Variants in DIAPH1 observed in about 807,000 individuals in gnomAD.
DIAPH1 encodes protein diaphanous homolog 1.
A neutral mutation model predicts 140.7 loss-of-function variants in DIAPH1; 46 were observed. The observed-to-expected ratio is 0.33, with a 90% CI of 0.26 to 0.42. DIAPH1 has a LOEUF of 0.42. Ranked by LOEUF, DIAPH1 falls within the 10% of genes least tolerant of loss-of-function variation. The pLI, the probability that DIAPH1 is intolerant of heterozygous loss-of-function variation, is 1.00. For missense variants in DIAPH1, 1,310 were observed against 1,558.7 expected (o/e 0.84, Z 2.69); for synonymous variants, 565 against 551.6 (o/e 1.02, Z -0.34).
intron 1 of DIAPH1, among the ~76,000 whole-genome samples, chr5:141,596,705 T>C (rs62379258): frequency 0.042 from 6,392 of 152,298 alleles, 160 homozygotes; most frequent in Middle Eastern, 0.14. Context: ...AGATTTCTAT[T>C]GGATGGTGCT....
chr5:141,548,610 A>G (rs2099891185), intron 18 of DIAPH1, among the ~76,000 whole-genome samples: 1 of 152,104 alleles, frequency 6.6e-6, no homozygotes, highest in Non-Finnish European at 1.5e-5. Context: ...CAGCCTGGGC[A>G]ATAAGGGCAA....
intron 1 of DIAPH1, among the ~76,000 whole-genome samples, chr5:141,589,485 AG>A (rs1413772754): frequency 6.6e-6 from 1 of 152,276 alleles, no homozygotes; most frequent in Non-Finnish European, 1.5e-5. Flanking sequence ...AATTTCACAA[AG>A]AAAGTGAATG....
At position 141,526,479 on chromosome 5, in the gene DIAPH1, A is replaced by C; in HGVS notation, c.3274-18T>G. ...ACAAAGCTGTGCAGCCAAGGAGTAA[A>C]GGACCAAGACCAAGACCAAGAAGCA... On this transcript the variant is annotated intron_variant, in intron 24 of 27. Coordinates refer to ENST00000389054, the MANE Select transcript of DIAPH1 (RefSeq NM_005219.5). 1 of 1,614,108 alleles carries C rather than the reference A, an allele frequency of 6.2e-7. No individual in the cohort carries two copies. Among genetic ancestry groups the C allele is most frequent in the Non-Finnish European group, 8.5e-7 (1 of 1,180,004 alleles).
At chr5:141,567,431 T>C (rs1251526004) in intron 18 of DIAPH1, among the ~76,000 whole-genome samples, 2 of 152,206 alleles carry the variant, frequency 1.3e-5, no homozygotes, top group African/African-American at 4.8e-5. Context: ...CCCAATTTCT[T>C]TGTGCTAGTA....
intron 1 of DIAPH1, among the ~76,000 whole-genome samples, chr5:141,604,763 G>A (rs375410972): frequency 6.6e-6 from 1 of 151,984 alleles, no homozygotes; most frequent in Non-Finnish European, 1.5e-5. Flanking sequence ...ACTGACAACC[G>A]CTTAACTAAT....
At chr5:141,532,491 A>G (rs933750816) in intron 19 of DIAPH1, among the ~76,000 whole-genome samples, 1 of 151,876 alleles carries the variant, frequency 6.6e-6, no homozygotes. Context: ...TGGTCTTTCA[A>G]CTCAGTTTAA....
intron 11 of DIAPH1, 131 bp from the exon 12 acceptor site, chr5:141,577,722 G>A: frequency 2.8e-6 from 2 of 717,674 alleles, no homozygotes; most frequent in Non-Finnish European, 5.1e-6. Context: ...TGTTCTTCCT[G>A]TAAACATCAC....
chr5:141,572,236 T>C (rs2099895299), intron 16 of DIAPH1, among the ~76,000 whole-genome samples, 196 bp from the exon 17 acceptor site: 1 of 152,182 alleles, frequency 6.6e-6, no homozygotes, highest in Non-Finnish European at 1.5e-5. Context: ...TAATTGGTGA[T>C]TATTCAAGAA....
In DIAPH1 at chr5:141,607,790, C is replaced by T. The variant is rs200670121; in HGVS notation, c.117+11008G>A. ...TGCTCCCCATCTCATGAATTCTTTC[C>T]CTCTCTACTCTGCCAAATCTTGGAT... On this transcript the variant is annotated intron_variant, in intron 1 of 27. Coordinates refer to ENST00000389054, the MANE Select transcript of DIAPH1 (RefSeq NM_005219.5). Among the ~76,000 whole-genome samples, 30 of 152,274 alleles carry T rather than the reference C, an allele frequency of 2.0e-4. No homozygotes were observed. In the East Asian group the frequency reaches 3.1e-3, roughly 16 times the overall value.
chr5:141,582,674 T>G (rs1008001129), intron 6 of DIAPH1, among the ~76,000 whole-genome samples: 1 of 152,234 alleles, frequency 6.6e-6, no homozygotes, highest in African/African-American at 2.4e-5. Flanking sequence ...TCCCATCTAT[T>G]GCTGCTTGCC....
At chr5:141,597,735 T>C (rs546587520) in intron 1 of DIAPH1, among the ~76,000 whole-genome samples, 2 of 152,156 alleles carry the variant, frequency 1.3e-5, no homozygotes, top group Non-Finnish European at 2.9e-5. Flanking sequence ...GCTTTTAAAA[T>C]TCACAACACC....
chr5:141,582,229 C>G, intron 7 of DIAPH1, 83 bp downstream of exon 7: 1 of 992,798 alleles, frequency 1.0e-6, no homozygotes, highest in Non-Finnish European at 1.6e-6. Flanking sequence ...CCTCATATTC[C>G]TAGTTCCTCT....
intron 1 of DIAPH1, among the ~76,000 whole-genome samples, chr5:141,595,808 G>A (rs958925931): frequency 2.0e-5 from 3 of 152,140 alleles, no homozygotes; most frequent in Admixed American, 1.3e-4. Flanking sequence ...ACGTGTGTGG[G>A]CAGCGATATA....
At chr5:141,618,755 C>A in intron 1 of DIAPH1, 43 bp downstream of exon 1, 1 of 1,402,456 alleles carries the variant, frequency 7.1e-7, no homozygotes, top group Non-Finnish European at 9.8e-7. Flanking sequence ...GTCCAGAGGG[C>A]GGTTACGGGG....
At chr5:141,571,834 T>C in intron 17 of DIAPH1, 92 bp downstream of exon 17, 1 of 916,596 alleles carries the variant, frequency 1.1e-6, no homozygotes, top group South Asian at 1.3e-5. Context: ...CCTTTCTATC[T>C]TCACCCAGGG....
chr5:141,616,000 C>T (rs2154597466), intron 1 of DIAPH1, among the ~76,000 whole-genome samples: 1 of 152,272 alleles, frequency 6.6e-6, no homozygotes, highest in African/African-American at 2.4e-5. Flanking sequence ...TTTTTATTTT[C>T]CTTCATCTTA....
chr5:141,536,435 A>G (rs1434742860), intron 18 of DIAPH1, among the ~76,000 whole-genome samples: 1 of 152,240 alleles, frequency 6.6e-6, no homozygotes, highest in East Asian at 1.9e-4. Context: ...GGCAATGGAA[A>G]TAAAAGAAGT....
At chr5:141,532,153 C>A (rs191118705) in intron 19 of DIAPH1, among the ~76,000 whole-genome samples, 1 of 152,130 alleles carries the variant, frequency 6.6e-6, no homozygotes, top group African/African-American at 2.4e-5. Flanking sequence ...AACAAGCCAA[C>A]CTTCCCGCCT....
Position 141,573,839 on chromosome 5 carries a change from C to T in DIAPH1, c.2011G>A (p.Gly671Arg), listed in dbSNP as rs766804741. 2.2e-4 allele frequency: 331 copies of T among 1,521,118 alleles called. 1 individual carries two copies. The highest frequency in any genetic ancestry group is 1.9e-5 in the Non-Finnish European group (22 of 1,132,310). 94.2% of individuals were successfully genotyped at this position (1,521,118 alleles called of 1,614,324 possible). A position where few individuals can be genotyped will look rare whatever the true frequency, so the allele number is the denominator to read the frequency against. ...VGIPSPSSLP[G>R]GTAIPPPPPL... Reference sequence around the variant, plus strand: ...GGAGGTGGGGGGATGGCAGTACCTCCAGGCAAAGAAGAGGGTGAAGGGATG... The same window carrying T: ...GGAGGTGGGGGGATGGCAGTACCTCTAGGCAAAGAAGAGGGTGAAGGGATG... Residue 671 changes from glycine (G) to arginine (R), a missense_variant, in exon 16 of 28, where the codon GGA becomes AGA. Gly to Arg is a moderately radical substitution (Grantham distance 125). Coordinates refer to ENST00000389054, the MANE Select transcript of DIAPH1 (RefSeq NM_005219.5).
Sources: gnomAD v4.1 joint callset for allele counts (sites outside exome capture counted in the v4.1 genomes callset) on GRCh38, gnomAD v4.1.1 for gene constraint, MANE v1.5 for transcripts, NCBI Gene and HGNC (gene_info 2026-07-23, HGNC 2026-07-21) for gene names.